CLASP1: variants seen among roughly 807,000 people sequenced by gnomAD.
CLASP1 encodes the protein cytoplasmic linker associated protein 1.
Under a neutral mutation model 192.3 loss-of-function variants are expected in CLASP1, and 38 were observed. That is an observed-to-expected ratio of 0.20 (90% CI 0.15 to 0.26). CLASP1 has a LOEUF of 0.26. CLASP1 is among the 10% of genes least tolerant of loss of function. CLASP1 has a pLI of 1.00. For missense variants in CLASP1, 1,433 were observed against 1,932.5 expected (o/e 0.74, Z 4.85); for synonymous variants, 691 against 712.8 (o/e 0.97, Z 0.49).
intron 19 of CLASP1, 147 bp downstream of exon 19, chr2:121,447,190 A>G (rs1052494101): frequency 9.6e-6 from 7 of 728,610 alleles, no homozygotes; most frequent in Non-Finnish European, 1.6e-5. Flanking sequence ...GCTGATCAGC[A>G]GCAAGTGCAC....
chr2:121,359,272 CATA>C (rs1349432726), intron 37 of CLASP1, among the ~76,000 whole-genome samples: 1 of 152,168 alleles, frequency 6.6e-6, no homozygotes, highest in Non-Finnish European at 1.5e-5. Flanking sequence ...ATTTCTATAT[CATA>C]ATATCTTTCA....
At chr2:121,339,970 C>T (rs981408921) in exon 40 of CLASP1, 1 of 152,174 alleles carries the variant, frequency 6.6e-6, no homozygotes, top group Non-Finnish European at 1.5e-5. Flanking sequence ...CACCGTGTAG[C>T]CCAGAGATGA....
chr2:121,357,847 C>A (rs916861726), intron 37 of CLASP1, among the ~76,000 whole-genome samples: 5 of 152,200 alleles, frequency 3.3e-5, no homozygotes, highest in African/African-American at 1.2e-4. Context: ...CAAGCCCATG[C>A]CCCCTCCCTT....
rs1343545456 is a variant in CLASP1, at chr2:121,487,897, T to C, written c.712+15270A>G. 2.6e-5 allele frequency among the ~76,000 whole-genome samples: 4 copies of C among 152,362 alleles called. No homozygotes were observed. The East Asian group carries it at 7.7e-4, about 29-fold the overall frequency. On this transcript the variant is annotated intron_variant, in intron 8 of 39. Coordinates refer to ENST00000263710, the Ensembl canonical transcript of CLASP1. Reference sequence around the variant, plus strand: ...ATTAACATTTATTTTATACTTTGGGTTAAAACTCAACAATACTTCACTGTG... The same window carrying C: ...ATTAACATTTATTTTATACTTTGGGCTAAAACTCAACAATACTTCACTGTG...
chr2:121,519,836 A>G (rs748129351), intron 6 of CLASP1, among the ~76,000 whole-genome samples: 1 of 152,220 alleles, frequency 6.6e-6, no homozygotes, highest in Admixed American at 6.5e-5. Context: ...ACACTCTAAT[A>G]GAGAAGAGGT....
intron 22 of CLASP1, among the ~76,000 whole-genome samples, chr2:121,423,846 T>C (rs2079948504): frequency 6.6e-6 from 1 of 152,178 alleles, no homozygotes; most frequent in South Asian, 2.1e-4. Context: ...TCAAATCAAA[T>C]CTTATCCATT....
intron 4 of CLASP1, 73 bp downstream of exon 4, chr2:121,528,604 A>T: frequency 2.0e-6 from 2 of 1,012,242 alleles, no homozygotes; most frequent in Non-Finnish European, 3.1e-6. Context: ...TTGTGCAAGT[A>T]CACACACACA....
At chr2:121,515,675 G>A in exon 7 of CLASP1, 2 of 1,613,784 alleles carry the variant, frequency 1.2e-6, no homozygotes, top group Non-Finnish European at 1.7e-6. Flanking sequence ...CGGGACTGTG[G>A]CAATCCTTTT....
intron 2 of CLASP1, among the ~76,000 whole-genome samples, chr2:121,587,173 G>A (rs908224038): frequency 4.6e-5 from 7 of 152,054 alleles, no homozygotes; most frequent in South Asian, 4.1e-4. Context: ...CCTGGAAGGC[G>A]GAGGTTGCAG....
At chr2:121,589,028 G>A (rs1005727462) in intron 2 of CLASP1, among the ~76,000 whole-genome samples, 3 of 152,176 alleles carry the variant, frequency 2.0e-5, no homozygotes, top group African/African-American at 7.2e-5. Context: ...GCTGCAAGAT[G>A]TGAGTTGGGG....
intron 31 of CLASP1, 97 bp downstream of exon 32, chr2:121,387,666 C>A: frequency 1.6e-6 from 2 of 1,221,790 alleles, no homozygotes; most frequent in South Asian, 1.4e-5. Flanking sequence ...TGAAAGAGGA[C>A]AAGGAAACGG....
intron 25 of CLASP1, among the ~76,000 whole-genome samples, chr2:121,406,186 C>T (rs923560275): frequency 6.6e-6 from 1 of 152,132 alleles, no homozygotes; most frequent in Admixed American, 6.5e-5. Context: ...AAGGGTGTGT[C>T]TATGGTGCCT....
chr2:121,391,295 G>A (rs190491857), intron 30 of CLASP1, among the ~76,000 whole-genome samples: 1 of 152,184 alleles, frequency 6.6e-6, no homozygotes, highest in Admixed American at 6.5e-5. Flanking sequence ...ACCAGAGCAG[G>A]TTGAAGCTGA....
intron 2 of CLASP1, among the ~76,000 whole-genome samples, chr2:121,572,421 CCTT>C (rs2060064571): frequency 1.3e-5 from 2 of 152,096 alleles, no homozygotes; most frequent in Admixed American, 6.5e-5. Flanking sequence ...GAGCGAGACT[CCTT>C]CTCAAAAAAT....
chr2:121,558,659 C>T (rs1197653561), intron 2 of CLASP1, among the ~76,000 whole-genome samples: 1 of 152,146 alleles, frequency 6.6e-6, no homozygotes, highest in African/African-American at 2.4e-5. Flanking sequence ...CCAGAGGTGG[C>T]CCTTTGACTC....
chr2:121,462,213 TAAA>T (rs111804351), intron 10 of CLASP1, among the ~76,000 whole-genome samples: 2 of 144,234 alleles, frequency 1.4e-5, no homozygotes, highest in African/African-American at 5.1e-5. Context: ...ACTTATGAAT[TAAA>T]AAAAAAAAAA....
intron 2 of CLASP1, among the ~76,000 whole-genome samples, chr2:121,594,830 G>A (rs2062933515): frequency 6.6e-6 from 1 of 152,102 alleles, no homozygotes; most frequent in Non-Finnish European, 1.5e-5. Flanking sequence ...ATTACAATAA[G>A]CATAATAATA....
chr2:121,637,750 G>C (rs1323015287), intron 1 of CLASP1, among the ~76,000 whole-genome samples: 1 of 152,054 alleles, frequency 6.6e-6, no homozygotes, highest in African/African-American at 2.4e-5. Context: ...GCCAGGAATG[G>C]TGGTGCATGC....
chr2:121,502,751 C>T (rs1321444446), intron 8 of CLASP1, among the ~76,000 whole-genome samples: 3 of 152,038 alleles, frequency 2.0e-5, no homozygotes, highest in East Asian at 1.9e-4. Flanking sequence ...TAACACCACC[C>T]GACTTGTATT....
Sources: allele counts gnomAD v4.1 joint callset (sites outside exome capture counted in the v4.1 genomes callset), GRCh38; gene constraint gnomAD v4.1.1; transcripts MANE v1.5; gene names NCBI Gene and HGNC (gene_info 2026-07-23, HGNC 2026-07-21).